The following LNX1 variants were observed in gnomAD, a reference collection of about 807,000 sequenced individuals.
LNX1 encodes E3 ubiquitin-protein ligase LNX.
In LNX1, 54 loss-of-function variants were observed where a neutral mutation model predicts 68.4. That is an observed-to-expected ratio of 0.79 (90% CI 0.63 to 0.99). The LOEUF (loss-of-function observed/expected upper bound fraction) is 0.99, where lower values mean the gene tolerates loss of function less well. LNX1 is among the 50% of genes least tolerant of loss of function. The pLI is 0.00. For missense variants in LNX1, 906 were observed against 926.4 expected, an observed-to-expected ratio of 0.98 and a Z score of 0.29; for synonymous variants, 336 against 350.0, an observed-to-expected ratio of 0.96 and a Z score of 0.45.
At chr4:53,532,357 C>A (rs193166422) in intron 2 of LNX1, among the ~76,000 whole-genome samples, 360 of 152,144 alleles carry the variant, frequency 2.4e-3, no homozygotes, top group African/African-American at 8.3e-3. Context: ...GCACTGTAGC[C>A]CCGGCTACTC....
At chr4:53,542,830 C>A (rs1257843190) in intron 2 of LNX1, among the ~76,000 whole-genome samples, 1 of 152,100 alleles carries the variant, frequency 6.6e-6, no homozygotes, top group Non-Finnish European at 1.5e-5. Flanking sequence ...TGATGTTTAA[C>A]CCGGTAAGAA....
At chr4:53,519,757 A>G (rs13146668) in intron 2 of LNX1, among the ~76,000 whole-genome samples, 40,849 of 151,952 alleles carry the variant, frequency 0.27, 6,827 homozygotes, top group Non-Finnish European at 0.37. Context: ...TAATCTTCAC[A>G]ACAACCTCAT....
At chr4:53,564,831 G>T (rs1358751204) in intron 2 of LNX1, among the ~76,000 whole-genome samples, 2 of 152,182 alleles carry the variant, frequency 1.3e-5, no homozygotes, top group African/African-American at 4.8e-5. Flanking sequence ...GCCTCACTTG[G>T]GAAGCGCAAG....
chr4:53,498,773 G>T lies in LNX1; in HGVS notation c.846C>A (p.Pro282=). 2.5e-6 allele frequency: 4 copies of T among 1,613,984 alleles called. No homozygotes were observed. The highest frequency in any genetic ancestry group is 3.4e-6 in the Non-Finnish European group (4 of 1,179,916). ...CCAGCCTAATAGAGAGGCTTTCACTGGGATCTACTCGATTGATCTTGATGC... is the reference window on the plus strand; with the variant it reads ...CCAGCCTAATAGAGAGGCTTTCACTTGGATCTACTCGATTGATCTTGATGC... ...ITSIKINRVD[P]SESLSIRLVG... Residue 282 remains proline (P), a synonymous_variant, in exon 5 of 11, where the codon CCC becomes CCA. Coordinates refer to ENST00000263925, the MANE Select transcript of LNX1 (RefSeq NM_001126328.3).
Position 53,561,331 on chromosome 4 carries a change from G to A in LNX1, c.380+12292C>T, listed in dbSNP as rs56201249. Among the ~76,000 whole-genome samples the A allele has an allele frequency of 2.4e-3, 359 of 152,098 alleles. 1 individual carries two copies. Among genetic ancestry groups the A allele is most frequent in the Non-Finnish European group, 3.1e-3 (208 of 67,998 alleles). ...CAACCTCCGCCTCCCAGGTTCAAAC[G>A]ATTCTCCTGCCTCAGCCTCCCGAGT... On this transcript the variant is annotated intron_variant, in intron 2 of 10. Transcript: ENST00000263925.
chr4:53,522,527 G>A (rs573076198), intron 2 of LNX1, among the ~76,000 whole-genome samples: 1 of 151,848 alleles, frequency 6.6e-6, no homozygotes, highest in East Asian at 1.9e-4. Flanking sequence ...TATTGACACA[G>A]AGAGTTGCAT....
chr4:53,553,343 A>G (rs1330197453), intron 2 of LNX1, among the ~76,000 whole-genome samples: 1 of 152,134 alleles, frequency 6.6e-6, no homozygotes, highest in Non-Finnish European at 1.5e-5. Flanking sequence ...CATGAGAATC[A>G]CCTGGAAGAC....
chr4:53,501,293 T>TC, intron 4 of LNX1, among the ~76,000 whole-genome samples: 2 of 35,116 alleles, frequency 5.7e-5, no homozygotes, highest in Non-Finnish European at 1.2e-4. Context: ...TTTTTTTTTT[T>TC]TTTTTTGGGG....
intron 7 of LNX1, among the ~76,000 whole-genome samples, chr4:53,480,453 T>C (rs1723839101): frequency 6.6e-6 from 1 of 152,188 alleles, no homozygotes; most frequent in Non-Finnish European, 1.5e-5. Flanking sequence ...TTAATTCAAC[T>C]AAAATTAGTT....
chr4:53,619,775 G>A (rs763666140), upstream of LNX1, among the ~76,000 whole-genome samples: 5 of 152,092 alleles, frequency 3.3e-5, no homozygotes, highest in African/African-American at 9.7e-5. Flanking sequence ...TTAATTTTTC[G>A]ATGAACTGTC....
chr4:53,474,852 C>T (rs191247849), intron 9 of LNX1, among the ~76,000 whole-genome samples: 27 of 152,254 alleles, frequency 1.8e-4, no homozygotes, highest in East Asian at 5.8e-4. Flanking sequence ...CTGCAACCTC[C>T]GCCTCCTGGG....
At chr4:53,572,489 G>T (rs1463440424) in intron 2 of LNX1, among the ~76,000 whole-genome samples, 1 of 152,132 alleles carries the variant, frequency 6.6e-6, no homozygotes, top group African/African-American at 2.4e-5. Context: ...GAGAATCCAT[G>T]CATGTCCCAA....
At chr4:53,509,073 A>G (rs1579437298) in intron 2 of LNX1, among the ~76,000 whole-genome samples, 1 of 152,306 alleles carries the variant, frequency 6.6e-6, no homozygotes, top group East Asian at 1.9e-4. Flanking sequence ...CTAGGTCCAT[A>G]TTTTGCCATG....
Position 53,575,636 on chromosome 4 carries a change from G to A in LNX1, c.-86-1548C>T, listed in dbSNP as rs1731434527. 11 of 1,335,070 alleles carry A rather than the reference G, an allele frequency of 8.2e-6. No individual in the cohort carries two copies. The South Asian group carries it at 2.3e-4, about 28-fold the overall frequency. The allele number at this position is 1,335,070 out of a possible 1,614,324, so 82.7% of individuals were successfully genotyped here. ...ACCAGGCCCGCTTTTGGCTGCATTGGCTGGGGATCACTGGCACCAGGTATC... is the reference window on the plus strand; with the variant it reads ...ACCAGGCCCGCTTTTGGCTGCATTGACTGGGGATCACTGGCACCAGGTATC... On this transcript the variant is annotated intron_variant, in intron 1 of 10. Transcript: ENST00000263925.
chr4:53,593,732 G>A (rs1380432406), upstream of LNX1: 1 of 151,704 alleles, frequency 6.6e-6, no homozygotes, highest in Non-Finnish European at 1.5e-5. Context: ...TAAACTACTA[G>A]AAAAAAATGT....
intron 6 of LNX1, among the ~76,000 whole-genome samples, chr4:53,495,547 G>GTTTTTTTTTTTTTTTTTTTTTT (rs1560626438): frequency 1.3e-5 from 1 of 79,152 alleles, no homozygotes; most frequent in Non-Finnish European, 2.5e-5. Flanking sequence ...GCATGGCATA[G>GTTTTTTTTTTTTTTTTTTTTTT]CTTTTTTTTT....
At chr4:53,463,415 C>T (rs888770238) in intron 9 of LNX1, among the ~76,000 whole-genome samples, 7 of 151,996 alleles carry the variant, frequency 4.6e-5, no homozygotes, top group Non-Finnish European at 8.8e-5. Context: ...ACTTTATTGC[C>T]GCAGCGAGAA....
intron 1 of LNX1, among the ~76,000 whole-genome samples, chr4:53,630,672 T>C (rs923160357): frequency 1.3e-5 from 2 of 152,158 alleles, no homozygotes; most frequent in Non-Finnish European, 2.9e-5. Context: ...AGTTTGATGT[T>C]AGTGAACCAA....
At chr4:53,564,450 G>T (rs1730504347) in intron 2 of LNX1, among the ~76,000 whole-genome samples, 1 of 152,150 alleles carries the variant, frequency 6.6e-6, no homozygotes, top group Non-Finnish European at 1.5e-5. Flanking sequence ...AGGAGGAGTG[G>T]CTGGGTTTTC....
Sources: allele counts gnomAD v4.1 joint callset (sites outside exome capture counted in the v4.1 genomes callset), GRCh38; gene constraint gnomAD v4.1.1; transcripts MANE v1.5; gene names NCBI Gene and HGNC (gene_info 2026-07-23, HGNC 2026-07-21).